Variants in CHD9 observed in about 807,000 individuals in gnomAD.
The protein encoded by CHD9 is ATP-dependent chromatin remodeler CHD9.
CHD9 carries 77 observed loss-of-function variants against 316.1 expected under a neutral mutation model. The ratio of observed to expected loss-of-function variants is 0.24; its 90% confidence interval spans 0.20 to 0.29. CHD9 has a LOEUF of 0.29. Among genes scored for constraint, CHD9 ranks in the 10% least tolerant of loss-of-function variants. The pLI, the probability that CHD9 is intolerant of heterozygous loss-of-function variation, is 1.00. For synonymous variants in CHD9, 1,129 were observed against 1,158.3 expected (o/e 0.97, Z 0.51); for missense variants, 2,763 against 3,438.1 (o/e 0.80, Z 4.91).
At chr16:53,100,161 A>G (rs894844654) in intron 1 of CHD9, among the ~76,000 whole-genome samples, 3 of 152,204 alleles carry the variant, frequency 2.0e-5, no homozygotes, top group Non-Finnish European at 4.4e-5. Flanking sequence ...ATAAACCTAC[A>G]TGACTCACCC....
At chr16:53,302,337 T>G (rs2055520428) in intron 30 of CHD9, among the ~76,000 whole-genome samples, 1 of 152,164 alleles carries the variant, frequency 6.6e-6, no homozygotes, top group African/African-American at 2.4e-5. Context: ...CATGTATCCC[T>G]CAATTTGAGC....
At position 53,238,540 on chromosome 16, in the gene CHD9, G is replaced by A; in HGVS notation, c.2831G>A (p.Ser944Asn). The change falls in exon 12 of 39, where the codon AGC becomes AAC. Residue 944 changes from serine (S) to asparagine (N), a missense_variant. Ser to Asn is a conservative substitution (Grantham distance 46, BLOSUM62 1). Around this residue, in one of 15 missense-constraint regions of CHD9, gnomAD observed 186 missense variants for 245.0 expected, o/e 0.76. Coordinates refer to ENST00000447540, the MANE Select transcript of CHD9 (RefSeq NM_001308319.2). ...NVVVYHGSLISRQMIQQYEMY... is the reference protein window; with the variant it reads ...NVVVYHGSLINRQMIQQYEMY... ...GTGGTTTATCATGGGAGCCTGATTA[G>A]CAGACAAATGATACAGCAATACGAG... The A allele has an allele frequency of 6.2e-7, 1 of 1,613,008 alleles. No homozygotes were observed. Among genetic ancestry groups the A allele is most frequent in the Non-Finnish European group, 8.5e-7 (1 of 1,179,208 alleles).
chr16:53,058,520 A>T (rs1244973171), intron 1 of CHD9, among the ~76,000 whole-genome samples: 1 of 152,228 alleles, frequency 6.6e-6, no homozygotes, highest in East Asian at 1.9e-4. Context: ...CAGAAAGGTC[A>T]GCATGTACAG....
intron 1 of CHD9, among the ~76,000 whole-genome samples, chr16:53,059,453 A>G (rs2032583054): frequency 6.6e-6 from 1 of 152,160 alleles, no homozygotes; most frequent in South Asian, 2.1e-4. Context: ...TTTAACAACA[A>G]GAAAAATGGA....
At chr16:53,202,396 CTT>C (rs536714439) in intron 2 of CHD9, among the ~76,000 whole-genome samples, 3 of 144,772 alleles carry the variant, frequency 2.1e-5, no homozygotes, top group Admixed American at 6.9e-5. Flanking sequence ...CTCTCTCTCT[CTT>C]TTTTTTTTTT....
chr16:53,108,126 T>C (rs925873612), intron 1 of CHD9, among the ~76,000 whole-genome samples: 1 of 152,222 alleles, frequency 6.6e-6, no homozygotes, highest in South Asian at 2.1e-4. Flanking sequence ...CTCCAAAATG[T>C]TCTTTTTACC....
chr16:53,198,487 C>T (rs564505682), intron 2 of CHD9, among the ~76,000 whole-genome samples: 155 of 151,986 alleles, frequency 1.0e-3, no homozygotes, highest in Non-Finnish European at 1.8e-3. Flanking sequence ...CCACCACACC[C>T]GGCTAATTTT....
chr16:53,109,447 C>A (rs922954521), intron 1 of CHD9, among the ~76,000 whole-genome samples: 6 of 151,908 alleles, frequency 3.9e-5, no homozygotes, highest in African/African-American at 1.4e-4. Flanking sequence ...TTTCTCCTAC[C>A]TCAGCCTCCC....
Position 53,291,695 on chromosome 16 carries a change from C to T in CHD9, c.5248-30C>T, listed in dbSNP as rs545144535. On this transcript the variant is annotated intron_variant, in intron 27 of 38. Coordinates refer to ENST00000447540, the MANE Select transcript of CHD9 (RefSeq NM_001308319.2). The stretch of plus-strand genomic sequence containing the variant: ...TTATATATCTCTTGACCCAATTACC[C>T]TGTGACAAGTTTCTATTTTCTTTTA... The T allele has an allele frequency of 6.4e-4, 957 of 1,499,286 alleles. 15 individuals are homozygous for T. The South Asian group carries it at 0.011, about 17-fold the overall frequency. 92.9% of individuals were successfully genotyped at this position (1,499,286 alleles called of 1,614,324 possible).
chr16:53,119,806 T>C (rs2038598440), intron 1 of CHD9, among the ~76,000 whole-genome samples: 1 of 152,112 alleles, frequency 6.6e-6, no homozygotes, highest in Non-Finnish European at 1.5e-5. Flanking sequence ...CACTCCAATC[T>C]GGGTGCCAGA....
intron 1 of CHD9, among the ~76,000 whole-genome samples, chr16:53,153,001 A>G (rs370214058): frequency 2.0e-5 from 3 of 152,214 alleles, no homozygotes; most frequent in East Asian, 3.8e-4. Context: ...ATATATAACA[A>G]TTAAATGAAG....
intron 1 of CHD9, among the ~76,000 whole-genome samples, chr16:53,062,665 C>T (rs764642446): frequency 4.6e-5 from 7 of 152,036 alleles, no homozygotes; most frequent in Non-Finnish European, 1.0e-4. Flanking sequence ...TGGTTTAAGC[C>T]CAGGAGTTCG....
intron 1 of CHD9, among the ~76,000 whole-genome samples, chr16:53,133,893 T>TA (rs1299003958): frequency 6.6e-6 from 1 of 152,216 alleles, no homozygotes; most frequent in Non-Finnish European, 1.5e-5. Flanking sequence ...AGGGGCTCGA[T>TA]ATATGAATAT....
Position 53,156,799 on chromosome 16 carries a change from C to T in CHD9, c.710C>T (p.Pro237Leu). ...CAGCAATTTTCTCAAACGTCAAATCCTTCAGCACACTTCCACAAGTGTAGC... is the reference window on the plus strand; with the variant it reads ...CAGCAATTTTCTCAAACGTCAAATCTTTCAGCACACTTCCACAAGTGTAGC... ...SMQQFSQTSN[P>L]SAHFHKCSSH... The change falls in exon 2 of 39, where the codon CCT becomes CTT. Residue 237 changes from proline to leucine, a missense_variant. Physicochemically the swap from Pro to Leu is moderately conservative, Grantham distance 98. Coordinates refer to ENST00000447540, the MANE Select transcript of CHD9 (RefSeq NM_001308319.2). 6.2e-7 allele frequency: 1 copy of T among 1,613,826 alleles called. No individual in the cohort carries two copies. Among genetic ancestry groups the T allele is most frequent in the Non-Finnish European group, 8.5e-7 (1 of 1,179,880 alleles).
chr16:53,256,346 G>C (rs1002930667), intron 19 of CHD9, among the ~76,000 whole-genome samples: 3 of 135,064 alleles, frequency 2.2e-5, no homozygotes, highest in African/African-American at 8.2e-5. Context: ...TATTTGTAAA[G>C]TTTACTAATT....
At chr16:53,292,037 C>T (rs1024482615) in intron 28 of CHD9, among the ~76,000 whole-genome samples, 3 of 152,176 alleles carry the variant, frequency 2.0e-5, no homozygotes, top group Non-Finnish European at 2.9e-5. Context: ...TGTGAGATTT[C>T]ATCATTAAAG....
chr16:53,314,608 CTA>C (rs1567678024), intron 35 of CHD9, 92 bp downstream of exon 35: 1 of 1,133,834 alleles, frequency 8.8e-7, no homozygotes, highest in East Asian at 2.6e-5. Context: ...GTTTTATAGA[CTA>C]TTAGTAAGGA....
chr16:53,156,366 G>A lies in CHD9; in HGVS notation c.277G>A (p.Val93Met). The change falls in exon 2 of 39, where the codon GTG (valine) becomes ATG (methionine). Residue 93 changes from valine to methionine, a missense_variant. Transcript: ENST00000447540. Reference sequence around the variant, plus strand: ...ATCTTTTGGTAGCCCAGCTGAACATGTGTTATCTCCACACTCTCAGTTTAA... The same window carrying A: ...ATCTTTTGGTAGCCCAGCTGAACATATGTTATCTCCACACTCTCAGTTTAA... ...NQSFGSPAEH[V>M]LSPHSQFNCS... 6.2e-7 allele frequency: 1 copy of A among 1,613,968 alleles called. No individual in the cohort carries two copies. Among genetic ancestry groups the A allele is most frequent in the South Asian group, 1.1e-5 (1 of 91,078 alleles).
chr16:53,284,421 T>G (rs997341878), intron 24 of CHD9, among the ~76,000 whole-genome samples: 1 of 151,900 alleles, frequency 6.6e-6, no homozygotes, highest in African/African-American at 2.4e-5. Context: ...TATAAATTGA[T>G]ACTTAATCAT....
Sources: allele counts gnomAD v4.1 joint callset (sites outside exome capture counted in the v4.1 genomes callset), GRCh38; gene constraint gnomAD v4.1.1; regional missense constraint gnomAD v4.1.1; transcripts MANE v1.5; gene names NCBI Gene and HGNC (gene_info 2026-07-23, HGNC 2026-07-21).